Variants in LRRC9 observed in about 807,000 individuals in gnomAD.
LRRC9 encodes the protein leucine-rich repeat-containing protein 9.
A neutral mutation model predicts 63.2 loss-of-function variants in LRRC9; 122 were observed. The ratio of observed to expected loss-of-function variants is 1.93; its 90% CI spans 1.67 to 2.24. LRRC9 has a LOEUF of 2.24. LRRC9 is among the 30% of genes most tolerant of loss of function. The probability of loss-of-function intolerance (pLI) is 0.00; values close to 1 mark genes in which losing one functional copy is unlikely to be tolerated. For missense variants in LRRC9, 1,071 were observed against 627.7 expected, an observed-to-expected ratio of 1.71 and a Z score of -7.55; for synonymous variants, 366 against 213.1, an observed-to-expected ratio of 1.72 and a Z score of -6.25.
chr14:60,024,257 C>A (rs956773352), intron 27 of LRRC9, among the ~76,000 whole-genome samples: 1 of 152,076 alleles, frequency 6.6e-6, no homozygotes, highest in African/African-American at 2.4e-5. Flanking sequence ...TTTACACTCC[C>A]ACCAACAATT....
At position 60,057,058 on chromosome 14, in the gene LRRC9, G is replaced by C. The variant is rs78998523; in HGVS notation, c.4132-820G>C. Among the ~76,000 whole-genome samples the C allele has an allele frequency of 4.1e-3, 627 of 152,244 alleles. 3 individuals carry two copies. Among genetic ancestry groups the C allele is most frequent in the African/African-American group, 0.014 (594 of 41,538 alleles). On this transcript the variant is annotated intron_variant, in intron 30 of 31. Transcript: ENST00000445360. ...CTTTAGTAAAAGGACCAATACCTTA[G>C]CATTCATTATAAAGCAGCATTCTTG... is the stretch of plus-strand genomic sequence containing the variant.
Position 59,938,037 on chromosome 14 carries a change from C to T in LRRC9, c.544-353C>T, listed in dbSNP as rs1881235272. ...GTACAGGAAATAGGGGTGAAGAAAT[C>T]AGAGACCTACAGGTATCCTGGGGGC... On this transcript the variant is annotated intron_variant, in intron 6 of 31. Coordinates refer to ENST00000445360, the Ensembl canonical transcript of LRRC9. The surrounding 1 kb of genome is among the most constrained non-coding windows in gnomAD (Gnocchi z 4.2). 6.6e-6 allele frequency among the ~76,000 whole-genome samples: 1 copy of T among 152,022 alleles called. No homozygotes were observed. Among genetic ancestry groups the T allele is most frequent in the African/African-American group, 2.4e-5 (1 of 41,392 alleles).
chr14:59,928,396 T>C (rs1398837862), exon 3 of LRRC9: 8 of 698,404 alleles, frequency 1.1e-5, no homozygotes, highest in Non-Finnish European at 5.2e-6. Flanking sequence ...TAACGAGTCT[T>C]ACCATTGTTG....
rs971564940 is a variant in LRRC9, at chr14:60,004,548, A to G, written c.2842+750A>G. Among the ~76,000 whole-genome samples, 12 of 152,034 alleles carry G rather than the reference A, an allele frequency of 7.9e-5. No individual in the cohort carries two copies. The highest frequency in any genetic ancestry group is 2.6e-4 in the Admixed American group (4 of 15,256). ...CATATTTTTCTGAACCAGAGAGAAT[A>G]AAAAAGACTTTTCCTCCCTTTCCCC... On this transcript the variant is annotated intron_variant, in intron 21 of 31. Coordinates refer to ENST00000445360, the Ensembl canonical transcript of LRRC9. This position sits in a 1 kb window ranked among gnomAD's most constrained non-coding sequence, Gnocchi z 4.8.
chr14:59,949,362 T>C (rs1266350975), intron 8 of LRRC9, among the ~76,000 whole-genome samples: 2 of 151,844 alleles, frequency 1.3e-5, no homozygotes, highest in East Asian at 1.9e-4. Flanking sequence ...ATATCCCCTT[T>C]ATCATTTTTT....
At position 59,927,641 on chromosome 14, in the gene LRRC9, G is replaced by A. The variant is rs985375396; in HGVS notation, c.-33-270G>A. Among the ~76,000 whole-genome samples, 7 of 152,056 alleles carry A rather than the reference G, an allele frequency of 4.6e-5. No individual in the cohort carries two copies. The highest frequency in any genetic ancestry group is 1.0e-4 in the Non-Finnish European group (7 of 67,878). ...GAGATGACCATTTTCTTCAAGTATT[G>A]AAGGCTCATCGTGTGGAAAAAAAGT... On this transcript the variant is annotated intron_variant, in intron 1 of 31. Coordinates refer to ENST00000445360, the Ensembl canonical transcript of LRRC9. This position sits in a 1 kb window ranked among gnomAD's most constrained non-coding sequence, Gnocchi z 4.4.
intron 24 of LRRC9, 30 bp from the exon 25 acceptor site, chr14:60,018,341 A>G (rs1222092309): frequency 1.4e-6 from 1 of 699,492 alleles, no homozygotes; most frequent in East Asian, 2.7e-5. Context: ...CTATTAAAAT[A>G]ATAGCTGTAT....
At chr14:60,055,240 AT>A (rs1894185397) in intron 30 of LRRC9, among the ~76,000 whole-genome samples, 1 of 152,172 alleles carries the variant, frequency 6.6e-6, no homozygotes, top group Admixed American at 6.5e-5. Context: ...ATATCTACAA[AT>A]TTTTTTCTAA....
At chr14:59,946,105 G>A (rs981759008) in intron 8 of LRRC9, among the ~76,000 whole-genome samples, 1 of 151,092 alleles carries the variant, frequency 6.6e-6, no homozygotes, top group Non-Finnish European at 1.5e-5. Context: ...ATATATCATT[G>A]CACTATTAAT....
rs1174086476 is a variant in LRRC9 at position 59,963,123 on chromosome 14, G to C, written c.1211+2078G>C. 3.9e-5 allele frequency among the ~76,000 whole-genome samples: 6 copies of C among 152,160 alleles called. No homozygotes were observed. The East Asian group carries it at 9.6e-4, about 24-fold the overall frequency. On this transcript the variant is annotated intron_variant, in intron 10 of 31. Transcript: ENST00000445360. ...CTCCTATTAATATTTTTAAGGCTAA[G>C]GATTCAGTATTTAAATAAAAAGTAT...
Position 59,984,426 on chromosome 14 carries a change from C to T in LRRC9, c.2092-679C>T, listed in dbSNP as rs144452253. Among the ~76,000 whole-genome samples the T allele has an allele frequency of 2.6e-5, 4 of 152,164 alleles. No individual in the cohort carries two copies. The East Asian group carries it at 5.8e-4, about 22-fold the overall frequency. On this transcript the variant is annotated intron_variant, in intron 16 of 31. Coordinates refer to ENST00000445360, the Ensembl canonical transcript of LRRC9. ...CTTGTGCCCTTGTTTATTTTGCAAG[C>T]TATACATAAATACAGTCTTTACTTG...
At chr14:60,043,630 A>AG (rs1190650614) in intron 29 of LRRC9, among the ~76,000 whole-genome samples, 3 of 152,198 alleles carry the variant, frequency 2.0e-5, no homozygotes, top group African/African-American at 7.2e-5. Context: ...TGCATCCCTG[A>AG]GATGAATCCC....
intron 27 of LRRC9, among the ~76,000 whole-genome samples, chr14:60,024,108 G>A (rs570963997): frequency 6.6e-6 from 1 of 152,198 alleles, no homozygotes; most frequent in South Asian, 2.1e-4. Flanking sequence ...ATAAACATAT[G>A]TGTGCATGTG....
intron 8 of LRRC9, among the ~76,000 whole-genome samples, chr14:59,958,000 G>GC (rs1169992796): frequency 6.6e-6 from 1 of 152,214 alleles, no homozygotes; most frequent in Non-Finnish European, 1.5e-5. Context: ...TCCTCTGGAA[G>GC]CTTCATCCTG....
chr14:59,975,873 G>A (rs556352064), intron 13 of LRRC9, among the ~76,000 whole-genome samples: 1 of 152,136 alleles, frequency 6.6e-6, no homozygotes, highest in African/African-American at 2.4e-5. Context: ...CCACAGACTG[G>A]TTGCAGTTTG....
In LRRC9 at chr14:59,927,992, G is replaced by T. The variant is rs1259290263; in HGVS notation, c.48+1G>T. 5 of 680,850 alleles carry T rather than the reference G, an allele frequency of 7.3e-6. No individual in the cohort carries two copies. The Admixed American group carries it at 1.1e-4, about 15-fold the overall frequency. The allele number at this position is 680,850 out of a possible 1,614,324, so 42.2% of individuals were successfully genotyped here. A position where few individuals can be genotyped will look rare whatever the true frequency, so the allele number is the denominator to read the frequency against. On this transcript the variant is annotated splice_donor_variant, in intron 2 of 31. Transcript: ENST00000445360. LOFTEE classifies it high-confidence loss of function. The surrounding 1 kb of genome is among the most constrained non-coding windows in gnomAD (Gnocchi z 4.4). The stretch of plus-strand genomic sequence containing the variant: ...CCAAGAAGAAATAATTAAAGAACTG[G>T]TGAGTCAAAGTCAAATTTCTTTTAA...
At chr14:59,937,431 G>A (rs1890229469) in intron 6 of LRRC9, among the ~76,000 whole-genome samples, 1 of 152,128 alleles carries the variant, frequency 6.6e-6, no homozygotes, top group South Asian at 2.1e-4. Context: ...GTGGCTAAAA[G>A]AGCTCATAGG....
intron 29 of LRRC9, among the ~76,000 whole-genome samples, chr14:60,034,163 G>A (rs1892234856): frequency 6.6e-6 from 1 of 151,084 alleles, no homozygotes. Flanking sequence ...GACTACAGAC[G>A]CGTGCCTCCA....
rs1223611129 is a variant in LRRC9 at position 59,922,397 on chromosome 14, A to G, written c.-34+2514A>G. On this transcript the variant is annotated intron_variant, in intron 1 of 31. Coordinates refer to ENST00000445360, the Ensembl canonical transcript of LRRC9. This position sits in a 1 kb window ranked among gnomAD's most constrained non-coding sequence, Gnocchi z 5.3. Reference sequence around the variant, plus strand: ...TTGCTAATGATTATCTAAAAGGTGTACCATAAAGGTATCTAAAAACAGCTA... The same window carrying G: ...TTGCTAATGATTATCTAAAAGGTGTGCCATAAAGGTATCTAAAAACAGCTA... 6.6e-6 allele frequency among the ~76,000 whole-genome samples: 1 copy of G among 152,228 alleles called. No individual in the cohort carries two copies. Among genetic ancestry groups the G allele is most frequent in the Non-Finnish European group, 1.5e-5 (1 of 68,048 alleles).
Sources: gnomAD v4.1 joint callset for allele counts (sites outside exome capture counted in the v4.1 genomes callset) on GRCh38, gnomAD v4.1.1 for gene constraint, Gnocchi (gnomAD v3.1) non-coding constraint, MANE v1.5 for transcripts, NCBI Gene and HGNC (gene_info 2026-07-23, HGNC 2026-07-21) for gene names.